Variants in SENP5 observed in about 807,000 individuals in gnomAD.
SENP5 encodes sentrin-specific protease 5.
Under a neutral mutation model 74.2 loss-of-function variants are expected in SENP5, and 21 were observed. The observed-to-expected ratio is 0.28, with a 90% CI of 0.20 to 0.41. The LOEUF is 0.41. Ranked by LOEUF, SENP5 falls within the 10% of genes least tolerant of loss-of-function variation. The pLI is 1.00. For missense variants in SENP5, 717 were observed against 889.1 expected, an observed-to-expected ratio of 0.81 and a Z score of 2.46; for synonymous variants, 311 against 312.7, an observed-to-expected ratio of 0.99 and a Z score of 0.06.
chr3:196,929,612 C>T (rs775985076), intron 8 of SENP5, 21 bp from the exon 9 acceptor site: 10 of 1,467,690 alleles, frequency 6.8e-6, no homozygotes, highest in African/African-American at 4.2e-5. Context: ...GTTTTAATGA[C>T]TATTTTGTTT....
intron 6 of SENP5, among the ~76,000 whole-genome samples, chr3:196,916,527 CTTT>C (rs36159681): frequency 1.0e-4 from 15 of 143,362 alleles, no homozygotes; most frequent in Admixed American, 2.8e-4. Context: ...AAGAGATTGA[CTTT>C]TTTTTTTTTT....
intron 1 of SENP5, among the ~76,000 whole-genome samples, chr3:196,871,222 T>G (rs1713204409): frequency 6.6e-6 from 1 of 152,118 alleles, no homozygotes; most frequent in Non-Finnish European, 1.5e-5. Context: ...TCTAATACAT[T>G]CAGAGTCTAG....
intron 7 of SENP5, among the ~76,000 whole-genome samples, chr3:196,924,012 T>C (rs1191843067): frequency 6.6e-6 from 1 of 151,950 alleles, no homozygotes; most frequent in Non-Finnish European, 1.5e-5. Context: ...AGTAAGAAAA[T>C]GTAACTGGGA....
intron 6 of SENP5, among the ~76,000 whole-genome samples, chr3:196,918,983 ATCT>A (rs1715502360): frequency 6.6e-6 from 1 of 152,046 alleles, no homozygotes; most frequent in South Asian, 2.1e-4. Flanking sequence ...GTGTGTATCT[ATCT>A]ATCTATCTAT....
intron 6 of SENP5, among the ~76,000 whole-genome samples, chr3:196,906,510 C>T (rs562318053): frequency 6.6e-6 from 1 of 152,182 alleles, no homozygotes; most frequent in Admixed American, 6.5e-5. Context: ...TATTGGAATG[C>T]AGGTTTGGTT....
At chr3:196,923,251 A>T (rs1454161504) in intron 6 of SENP5, among the ~76,000 whole-genome samples, 163 bp from the exon 7 acceptor site, 1 of 152,226 alleles carries the variant, frequency 6.6e-6, no homozygotes, top group Non-Finnish European at 1.5e-5. Context: ...CTTAATAGTT[A>T]CAAGCATGGG....
chr3:196,912,424 G>A (rs114309798), intron 6 of SENP5, among the ~76,000 whole-genome samples: 137 of 152,242 alleles, frequency 9.0e-4, no homozygotes, highest in African/African-American at 3.3e-3. Context: ...CCTGTCAGGG[G>A]GTTGGGGGCA....
intron 6 of SENP5, among the ~76,000 whole-genome samples, chr3:196,915,708 G>A (rs922296974): frequency 6.6e-6 from 1 of 152,194 alleles, no homozygotes; most frequent in Non-Finnish European, 1.5e-5. Context: ...CCATCATGGA[G>A]AGAGAGACTA....
intron 6 of SENP5, among the ~76,000 whole-genome samples, chr3:196,921,485 C>G (rs556568374): frequency 6.6e-6 from 1 of 152,022 alleles, no homozygotes; most frequent in African/African-American, 2.4e-5. Context: ...GTATCTTTTT[C>G]TGTATTTTCT....
At position 196,886,616 on chromosome 3, in the gene SENP5, GAAA is replaced by G; in HGVS notation, c.1437_1439del (p.Glu479_Asn480delinsAsp). The G allele has an allele frequency of 6.2e-7, 1 of 1,610,882 alleles. No homozygotes were observed. The highest frequency in any genetic ancestry group is 1.1e-5 in the South Asian group (1 of 90,520). On this transcript the variant is annotated inframe_deletion, in exon 2 of 10. Transcript: ENST00000323460. ...CTTGGTGTGCAGTGGACTCAAACTA[GAAA>G]ATCAAGTAGGAGGTGGAAAGAACAG...
chr3:196,907,764 A>G (rs1475321543), intron 6 of SENP5, among the ~76,000 whole-genome samples: 1 of 152,066 alleles, frequency 6.6e-6, no homozygotes, highest in Non-Finnish European at 1.5e-5. Context: ...AAAAAATTGC[A>G]AAAAAGATCT....
At chr3:196,891,256 T>C (rs973587158) in intron 2 of SENP5, among the ~76,000 whole-genome samples, 10 of 152,138 alleles carry the variant, frequency 6.6e-5, no homozygotes, top group Admixed American at 3.3e-4. Flanking sequence ...CATAGAGATA[T>C]AAAGTAGATT....
At chr3:196,927,260 C>T (rs1715848353) in intron 7 of SENP5, among the ~76,000 whole-genome samples, 1 of 152,100 alleles carries the variant, frequency 6.6e-6, no homozygotes, top group Non-Finnish European at 1.5e-5. Context: ...GGTTCCTTTC[C>T]TCTGTTGAGC....
At chr3:196,868,653 G>A (rs976907371) in intron 1 of SENP5, among the ~76,000 whole-genome samples, 1 of 152,196 alleles carries the variant, frequency 6.6e-6, no homozygotes, top group African/African-American at 2.4e-5. Context: ...AGCGAGAATA[G>A]CCGAGGTGAA....
At chr3:196,868,880 A>T (rs115351944) in intron 1 of SENP5, among the ~76,000 whole-genome samples, 6 of 142,244 alleles carry the variant, frequency 4.2e-5, no homozygotes, top group African/African-American at 5.3e-5. Context: ...GTTCCTACTT[A>T]TGTTTTTTTT....
chr3:196,928,938 C>G (rs1715916352), intron 8 of SENP5, among the ~76,000 whole-genome samples: 1 of 152,072 alleles, frequency 6.6e-6, no homozygotes, highest in Admixed American at 6.5e-5. Flanking sequence ...ACCTGTAATC[C>G]CAGCACTTTG....
chr3:196,923,390 A>C (rs1460213060), intron 6 of SENP5, 24 bp from the exon 7 acceptor site: 2 of 1,590,176 alleles, frequency 1.3e-6, no homozygotes, highest in Admixed American at 1.8e-5. Flanking sequence ...TGATGGCTGC[A>C]TTTCTTTCTC....
At chr3:196,926,636 C>T (rs1380999531) in intron 7 of SENP5, among the ~76,000 whole-genome samples, 1 of 142,036 alleles carries the variant, frequency 7.0e-6, no homozygotes, top group African/African-American at 2.6e-5. Flanking sequence ...GCTTCCAGTC[C>T]ACCTTTTTTT....
rs1169939962 is a variant in SENP5 at position 196,899,709 on chromosome 3, A to C, written c.1557A>C (p.Pro519=). Residue 519 remains proline, a synonymous_variant, in exon 3 of 10, where the codon CCA becomes CCC. Transcript: ENST00000323460. ...TGAAGAAGTATGGCAGTTTGGTTCC[A>C]CTCAGTGAAAAAGAAGTCCTTGGAA... The part of the protein sequence containing the change: ...EVMKKYGSLV[P]LSEKEVLGRL... The C allele has an allele frequency of 6.2e-7, 1 of 1,611,424 alleles. No individual in the cohort carries two copies.
Sources: allele counts gnomAD v4.1 joint callset (sites outside exome capture counted in the v4.1 genomes callset), GRCh38; gene constraint gnomAD v4.1.1; transcripts MANE v1.5; gene names NCBI Gene and HGNC (gene_info 2026-07-23, HGNC 2026-07-21).